The following ARL15 variants were observed in gnomAD, a reference collection of about 807,000 sequenced individuals.
The protein encoded by ARL15 is ADP-ribosylation factor-like protein 15.
ARL15 carries 19 observed loss-of-function variants against 25.2 expected under a neutral mutation model. That is an observed-to-expected ratio of 0.75 (90% CI 0.53 to 1.10). The LOEUF (loss-of-function observed/expected upper bound fraction) is 1.10. Among genes scored for constraint, ARL15 ranks in the 50% least tolerant of loss-of-function variants. ARL15 has a pLI of 0.00. For synonymous variants in ARL15, 94 were observed against 86.8 expected (o/e 1.08, Z -0.46); for missense variants, 220 against 246.0 (o/e 0.89, Z 0.71).
chr5:54,236,079 C>T (rs920629409), intron 1 of ARL15, among the ~76,000 whole-genome samples: 12 of 152,056 alleles, frequency 7.9e-5, no homozygotes, highest in Admixed American at 2.0e-4. Flanking sequence ...GGCTTTATCA[C>T]CAGAACACAA....
rs1747226402 is a variant in ARL15 at position 53,958,100 on chromosome 5, C to T, written c.463-71387G>A. ...TGGTGGCTGCCTGTAATCCCAGCTACTAAGGAGGCTGAGACAGGAGAATCG... is the reference window on the plus strand; with the variant it reads ...TGGTGGCTGCCTGTAATCCCAGCTATTAAGGAGGCTGAGACAGGAGAATCG... On this transcript the variant is annotated intron_variant, in intron 4 of 4. Coordinates refer to ENST00000504924, the MANE Select transcript of ARL15 (RefSeq NM_019087.3). Among the ~76,000 whole-genome samples, 5 of 151,228 alleles carry T rather than the reference C, an allele frequency of 3.3e-5. 1 individual carries two copies. The South Asian group carries it at 1.0e-3, about 31-fold the overall frequency.
chr5:54,183,768 A>AT (rs1427904412), intron 1 of ARL15, among the ~76,000 whole-genome samples: 2 of 151,126 alleles, frequency 1.3e-5, no homozygotes, highest in African/African-American at 2.4e-5. Context: ...CCAAATGACT[A>AT]TAAATCATGC....
At chr5:53,897,445 AATAT>A (rs1398198430) in intron 4 of ARL15, among the ~76,000 whole-genome samples, 5 of 152,236 alleles carry the variant, frequency 3.3e-5, no homozygotes, top group African/African-American at 1.2e-4. Context: ...ACGGCTGAAT[AATAT>A]TCCACTGTGT....
intron 4 of ARL15, among the ~76,000 whole-genome samples, chr5:53,976,973 T>C (rs552394750): frequency 6.6e-6 from 1 of 152,348 alleles, no homozygotes; most frequent in South Asian, 2.1e-4. Context: ...CAAACATAAA[T>C]TAATTACCAA....
intron 1 of ARL15, among the ~76,000 whole-genome samples, chr5:54,175,966 A>G (rs1490411472): frequency 6.6e-6 from 1 of 151,940 alleles, no homozygotes; most frequent in Non-Finnish European, 1.5e-5. Flanking sequence ...TTCCCTTTTT[A>G]TATTCTCACC....
intron 1 of ARL15, among the ~76,000 whole-genome samples, chr5:54,298,145 T>C (rs1561299937): frequency 1.3e-5 from 2 of 152,086 alleles, no homozygotes; most frequent in African/African-American, 4.8e-5. Context: ...AGTCTATAAT[T>C]TCAAATATTT....
chr5:54,192,032 T>TC (rs1755417287), intron 1 of ARL15, among the ~76,000 whole-genome samples: 1 of 152,180 alleles, frequency 6.6e-6, no homozygotes, highest in South Asian at 2.1e-4. Flanking sequence ...AGTCAGTTAC[T>TC]CCAAGCAACC....
At chr5:54,265,220 T>C (rs13159846) in intron 1 of ARL15, among the ~76,000 whole-genome samples, 10,261 of 152,288 alleles carry the variant, frequency 0.067, 442 homozygotes, top group African/African-American at 0.11. Context: ...TTAATATCAC[T>C]TTTAATGTTC....
chr5:54,068,899 T>C (rs1430629634), intron 4 of ARL15, among the ~76,000 whole-genome samples: 1 of 152,218 alleles, frequency 6.6e-6, no homozygotes, highest in Non-Finnish European at 1.5e-5. Context: ...CCTAGCTACC[T>C]GACTTTAGGT....
At chr5:54,298,049 G>T (rs1356128555) in intron 1 of ARL15, among the ~76,000 whole-genome samples, 1 of 152,122 alleles carries the variant, frequency 6.6e-6, no homozygotes, top group Non-Finnish European at 1.5e-5. Context: ...CCAAAGTGCT[G>T]GGATTACAGG....
chr5:54,182,549 T>C (rs1483869459), intron 1 of ARL15, among the ~76,000 whole-genome samples: 1 of 149,596 alleles, frequency 6.7e-6, no homozygotes, highest in Non-Finnish European at 1.5e-5. Flanking sequence ...TTGGTTACTG[T>C]AGCCTTGTAG....
rs1372626770 is a variant in ARL15, at chr5:53,884,352, AGCC to A, written c.*2206_*2208del. 1.6e-5 allele frequency: 1 copy of A among 64,498 alleles called. No homozygotes were observed. Among genetic ancestry groups the A allele is most frequent in the East Asian group, 4.1e-4 (1 of 2,448 alleles). 4.0% of individuals were successfully genotyped at this position (64,498 alleles called of 1,614,324 possible). A position where few individuals can be genotyped will look rare whatever the true frequency, so the allele number is the denominator to read the frequency against. ...AAAAGGGACTTACACTCCCACCCCCAGCCATCCCACCCACCCCACCACCCACCC... is the reference window on the plus strand; with the variant it reads ...AAAAGGGACTTACACTCCCACCCCCAATCCCACCCACCCCACCACCCACCC... On this transcript the variant is annotated 3_prime_UTR_variant, in exon 5 of 5. Coordinates refer to ENST00000504924, the MANE Select transcript of ARL15 (RefSeq NM_019087.3).
intron 1 of ARL15, among the ~76,000 whole-genome samples, chr5:54,192,880 T>C (rs1755445579): frequency 6.6e-6 from 1 of 152,166 alleles, no homozygotes; most frequent in Non-Finnish European, 1.5e-5. Context: ...TCTGGAAATA[T>C]GGAGGATATT....
chr5:54,242,527 A>G (rs1443937559), intron 1 of ARL15, among the ~76,000 whole-genome samples: 2 of 152,166 alleles, frequency 1.3e-5, no homozygotes, highest in African/African-American at 4.8e-5. Context: ...AAGCCAAGAC[A>G]ATCAGAGGAA....
intron 1 of ARL15, among the ~76,000 whole-genome samples, chr5:54,279,899 G>A (rs1758011290): frequency 6.6e-6 from 1 of 152,188 alleles, no homozygotes; most frequent in Admixed American, 6.5e-5. Context: ...CTCCCTTTCT[G>A]GAGAAGCACA....
At chr5:54,117,449 T>C (rs1339362884) in intron 3 of ARL15, among the ~76,000 whole-genome samples, 1 of 151,040 alleles carries the variant, frequency 6.6e-6, no homozygotes, top group African/African-American at 2.4e-5. Flanking sequence ...ATGTCCCTTA[T>C]ATGACATAAT....
At chr5:54,066,037 T>A (rs566855673) in intron 4 of ARL15, among the ~76,000 whole-genome samples, 1 of 152,334 alleles carries the variant, frequency 6.6e-6, no homozygotes, top group South Asian at 2.1e-4. Context: ...TGCTAGATGT[T>A]TTAAATACAT....
intron 4 of ARL15, among the ~76,000 whole-genome samples, chr5:54,029,524 T>C (rs988547291): frequency 3.3e-5 from 5 of 152,128 alleles, no homozygotes; most frequent in African/African-American, 1.2e-4. Flanking sequence ...AATACACACA[T>C]CATACTTTCA....
chr5:54,131,694 T>C (rs1360862708), intron 3 of ARL15, among the ~76,000 whole-genome samples: 2 of 152,206 alleles, frequency 1.3e-5, no homozygotes, highest in Admixed American at 6.5e-5. Context: ...GAAACTTTTA[T>C]GTGCCAAGTA....
Sources: allele counts gnomAD v4.1 joint callset (sites outside exome capture counted in the v4.1 genomes callset), GRCh38; gene constraint gnomAD v4.1.1; transcripts MANE v1.5; gene names NCBI Gene and HGNC (gene_info 2026-07-23, HGNC 2026-07-21).